Variants in PACRG observed in about 807,000 individuals in gnomAD.
The protein encoded by PACRG is parkin coregulated gene protein.
PACRG carries 29 observed loss-of-function variants against 29.7 expected under a neutral mutation model. That is an observed-to-expected ratio of 0.98 (90% confidence interval 0.73 to 1.33). PACRG has a LOEUF of 1.33. Ranked by LOEUF, PACRG falls within the 40% of genes most tolerant of loss-of-function variation. The pLI is 0.00. For missense variants in PACRG, 279 were observed against 316.2 expected (o/e 0.88, Z 0.89); for synonymous variants, 116 against 118.7 (o/e 0.98, Z 0.15).
chr6:162,951,441 T>G (rs998997925), intron 2 of PACRG, among the ~76,000 whole-genome samples: 11 of 152,230 alleles, frequency 7.2e-5, no homozygotes, highest in Non-Finnish European at 8.8e-5. Flanking sequence ...CAGAATTCTC[T>G]GTCAGATATT....
At chr6:162,919,448 C>A (rs978274986) in intron 2 of PACRG, among the ~76,000 whole-genome samples, 1 of 152,142 alleles carries the variant, frequency 6.6e-6, no homozygotes, top group Admixed American at 6.5e-5. Context: ...TTGAGCCATG[C>A]TCCAGAAAAA....
intron 2 of PACRG, among the ~76,000 whole-genome samples, chr6:162,935,392 C>CTTTTTTTT: frequency 8.1e-6 from 1 of 124,058 alleles, no homozygotes; most frequent in Non-Finnish European, 1.8e-5. Flanking sequence ...CTGTTTTATT[C>CTTTTTTTT]TTTTTTTTTT....
intron 2 of PACRG, among the ~76,000 whole-genome samples, chr6:162,833,770 T>G (rs1788981593): frequency 6.6e-6 from 1 of 152,160 alleles, no homozygotes. Context: ...TTTTAGGACT[T>G]TTTTCAGTAT....
rs80233892 is a variant in PACRG at position 162,906,529 on chromosome 6, T to C, written c.291+92248T>C. Among the ~76,000 whole-genome samples, 421 of 152,340 alleles carry C rather than the reference T, an allele frequency of 2.8e-3. 3 individuals are homozygous for C. Among genetic ancestry groups the C allele is most frequent in the East Asian group, 0.018 (92 of 5,186 alleles). On this transcript the variant is annotated intron_variant, in intron 2 of 4. Transcript: ENST00000366888. ...ATTTGGGAAATATAGTTATCACCAA[T>C]GTTGACAGAAAACTTAATATTGGTG...
chr6:163,220,226 AG>A (rs1206079156), intron 4 of PACRG, among the ~76,000 whole-genome samples: 1 of 152,104 alleles, frequency 6.6e-6, no homozygotes, highest in Non-Finnish European at 1.5e-5. Context: ...GGGGGAGTGC[AG>A]GAAGGAAAGG....
intron 4 of PACRG, among the ~76,000 whole-genome samples, chr6:163,180,220 GC>G (rs778420719): frequency 1.7e-4 from 26 of 152,128 alleles, no homozygotes; most frequent in Non-Finnish European, 2.9e-4. Context: ...TCCTAGGCAC[GC>G]CCACTTCTCC....
At chr6:162,903,862 C>G (rs574118303) in intron 2 of PACRG, among the ~76,000 whole-genome samples, 1 of 152,118 alleles carries the variant, frequency 6.6e-6, no homozygotes, top group Non-Finnish European at 1.5e-5. Flanking sequence ...AGGGTGGGCC[C>G]CTGTATCAGT....
chr6:163,087,472 G>A (rs1207088695), intron 3 of PACRG, among the ~76,000 whole-genome samples: 2 of 151,786 alleles, frequency 1.3e-5, no homozygotes, highest in Non-Finnish European at 2.9e-5. Context: ...AGGAGGTGAG[G>A]ATGGAGACCA....
chr6:162,803,079 C>T (rs560524632), intron 1 of PACRG, among the ~76,000 whole-genome samples: 2 of 152,240 alleles, frequency 1.3e-5, no homozygotes, highest in East Asian at 1.9e-4. Flanking sequence ...AGTGACCCCC[C>T]AAGTTGTTTA....
intron 4 of PACRG, chr6:163,310,513 CT>C (rs1459398951): frequency 1.3e-5 from 2 of 152,218 alleles, no homozygotes; most frequent in Non-Finnish European, 2.9e-5. Flanking sequence ...TGTGAAACAG[CT>C]GCAGCTGCTG....
intron 4 of PACRG, among the ~76,000 whole-genome samples, chr6:163,256,999 C>G (rs1282061650): frequency 2.6e-5 from 4 of 152,068 alleles, no homozygotes; most frequent in Non-Finnish European, 4.4e-5. Flanking sequence ...TCACTCCAAT[C>G]TCTGCCGCCA....
chr6:162,969,369 C>CCTGTCCACTGCTACCCCATCATCTCTT (rs1801335089), intron 2 of PACRG, among the ~76,000 whole-genome samples: 1 of 152,076 alleles, frequency 6.6e-6, no homozygotes, highest in Non-Finnish European at 1.5e-5. Flanking sequence ...CTCTCTCTCT[C>CCTGTCCACTGCTACCCCATCATCTCTT]CTGTCCACTG....
At chr6:163,271,531 G>T (rs1191118853) in intron 4 of PACRG, among the ~76,000 whole-genome samples, 3 of 152,054 alleles carry the variant, frequency 2.0e-5, no homozygotes, top group Admixed American at 1.3e-4. Context: ...AATTCATTTG[G>T]AATTATCCTA....
chr6:163,210,393 G>A (rs1781086179), intron 4 of PACRG, among the ~76,000 whole-genome samples: 1 of 152,148 alleles, frequency 6.6e-6, no homozygotes, highest in South Asian at 2.1e-4. Flanking sequence ...TTGAACATGA[G>A]GACAAAGAAA....
intron 2 of PACRG, among the ~76,000 whole-genome samples, chr6:162,852,460 C>T (rs116039660): frequency 1.9e-3 from 289 of 152,286 alleles, no homozygotes; most frequent in African/African-American, 6.4e-3. Context: ...CCTTCTCCTG[C>T]GGGACTGTGG....
chr6:163,304,843 C>T lies in PACRG; in HGVS notation c.614-9984C>T, dbSNP rs534886770. On this transcript the variant is annotated intron_variant, in intron 4 of 4. Coordinates refer to ENST00000366888, the MANE Select transcript of PACRG (RefSeq NM_001080379.2). ...GAGATGAGATCACACAGGGGCCAGA[C>T]GACTGGGGTTTTGAATCGGATCCAT... is the stretch of plus-strand genomic sequence containing the variant. Among the ~76,000 whole-genome samples, 30 of 152,256 alleles carry T rather than the reference C, an allele frequency of 2.0e-4. 1 individual carries two copies. In the South Asian group the frequency reaches 5.0e-3, roughly 25 times the overall value.
chr6:163,290,161 C>T (rs1430424786), intron 4 of PACRG, among the ~76,000 whole-genome samples: 2 of 152,104 alleles, frequency 1.3e-5, no homozygotes, highest in South Asian at 2.1e-4. Flanking sequence ...CGCCCGGCCT[C>T]AGTCCTCTTC....
intron 2 of PACRG, among the ~76,000 whole-genome samples, chr6:163,049,199 A>G (rs1333840983): frequency 6.6e-6 from 1 of 152,118 alleles, no homozygotes; most frequent in Non-Finnish European, 1.5e-5. Flanking sequence ...AACAGAATAG[A>G]AAGTCAAGAA....
chr6:162,904,342 G>A (rs1370883068), intron 2 of PACRG, among the ~76,000 whole-genome samples: 4 of 152,222 alleles, frequency 2.6e-5, no homozygotes, highest in Non-Finnish European at 5.9e-5. Context: ...GGGCCCTTCT[G>A]TGAAACTCAC....
Sources: allele counts gnomAD v4.1 joint callset (sites outside exome capture counted in the v4.1 genomes callset), GRCh38; gene constraint gnomAD v4.1.1; transcripts MANE v1.5; gene names NCBI Gene and HGNC (gene_info 2026-07-23, HGNC 2026-07-21).